The following APBB2 variants were observed in gnomAD, a reference collection of about 807,000 sequenced individuals.
APBB2 encodes Fe65-like 1.
APBB2 carries 38 observed loss-of-function variants against 82.5 expected under a neutral mutation model. That is an observed-to-expected ratio of 0.46 (90% CI 0.36 to 0.60). APBB2 has a LOEUF of 0.60. Among genes scored for constraint, APBB2 ranks in the 20% least tolerant of loss-of-function variants. The pLI is 0.00. For missense variants in APBB2, 772 were observed against 972.3 expected, an observed-to-expected ratio of 0.79 and a Z score of 2.74; for synonymous variants, 341 against 368.2, an observed-to-expected ratio of 0.93 and a Z score of 0.85.
chr4:41,066,768 C>T (rs1471320481), intron 3 of APBB2, among the ~76,000 whole-genome samples: 1 of 152,150 alleles, frequency 6.6e-6, no homozygotes, highest in African/African-American at 2.4e-5. Context: ...AAGCCTGGAG[C>T]CAGATGGCAA....
intron 12 of APBB2, among the ~76,000 whole-genome samples, chr4:40,867,490 G>T (rs1472463699): frequency 1.3e-5 from 2 of 152,110 alleles, no homozygotes; most frequent in Non-Finnish European, 2.9e-5. Flanking sequence ...AATTATAAGA[G>T]GTGAAGCCAA....
intron 1 of APBB2, among the ~76,000 whole-genome samples, chr4:41,193,138 G>A (rs781257853): frequency 3.9e-5 from 6 of 152,154 alleles, no homozygotes; most frequent in Non-Finnish European, 8.8e-5. Context: ...TATTTTATGC[G>A]CTAAAATTGT....
chr4:40,864,853 CTTTTTT>C (rs571511868), intron 12 of APBB2, among the ~76,000 whole-genome samples: 44 of 125,212 alleles, frequency 3.5e-4, no homozygotes, highest in African/African-American at 3.6e-4. Flanking sequence ...ACGTTTGATT[CTTTTTT>C]TTTTTTTTTT....
At chr4:41,061,347 A>T (rs781393408) in intron 4 of APBB2, among the ~76,000 whole-genome samples, 1 of 152,212 alleles carries the variant, frequency 6.6e-6, no homozygotes, top group Non-Finnish European at 1.5e-5. Flanking sequence ...ATCACCATGG[A>T]GTGTTCTTAC....
Position 41,082,563 on chromosome 4 carries a change from G to A in APBB2, c.-148-16890C>T, listed in dbSNP as rs1442998268. 6.2e-5 allele frequency among the ~76,000 whole-genome samples: 7 copies of A among 113,766 alleles called. No individual in the cohort carries two copies. The South Asian group carries it at 1.3e-3, about 21-fold the overall frequency. The allele number at this position is 113,766 out of a possible 152,430, so 74.6% of individuals were successfully genotyped here. ...GTTCAGGAGGCTTCTACAAAGTTAT[G>A]TTTCTTTTTTTTTTTTTTTTTTTTA... On this transcript the variant is annotated intron_variant, in intron 3 of 17. Coordinates refer to ENST00000508593, the MANE Select transcript of APBB2 (RefSeq NM_004307.2).
chr4:41,027,856 C>T (rs1323098717), intron 5 of APBB2, among the ~76,000 whole-genome samples: 1 of 152,234 alleles, frequency 6.6e-6, no homozygotes, highest in Non-Finnish European at 1.5e-5. Flanking sequence ...GTGGATGGGT[C>T]CCCCAGTGAT....
At chr4:41,109,633 G>A (rs539382223) in intron 2 of APBB2, among the ~76,000 whole-genome samples, 1 of 152,224 alleles carries the variant, frequency 6.6e-6, no homozygotes, top group South Asian at 2.1e-4. Flanking sequence ...ACTACACTGG[G>A]CTAATTTTTT....
At position 40,822,302 on chromosome 4, in the gene APBB2, T is replaced by C. The variant is rs565715712; in HGVS notation, c.1933-252A>G. 1.1e-5 allele frequency: 5 copies of C among 448,682 alleles called. No individual in the cohort carries two copies. The East Asian group carries it at 1.9e-4, about 17-fold the overall frequency. 27.8% of individuals were successfully genotyped at this position (448,682 alleles called of 1,614,324 possible). ...GTGTGATGTGGGTCCCATTCTCCAT[T>C]ATGCTACGTGGCTGTGAGTTCACTG... On this transcript the variant is annotated intron_variant, in intron 16 of 17. Coordinates refer to ENST00000508593, the MANE Select transcript of APBB2 (RefSeq NM_004307.2).
At position 40,820,229 on chromosome 4, in the gene APBB2, C is replaced by T. The variant is rs1481484513; in HGVS notation, c.2112+1642G>A. On this transcript the variant is annotated intron_variant, in intron 17 of 17. Coordinates refer to ENST00000508593, the MANE Select transcript of APBB2 (RefSeq NM_004307.2). Reference sequence around the variant, plus strand: ...AGCCTCTGCTCCTGTTTGTTCCCAACGCTGCTCTCCTAGCGTGGACGCTCC... The same window carrying T: ...AGCCTCTGCTCCTGTTTGTTCCCAATGCTGCTCTCCTAGCGTGGACGCTCC... Among the ~76,000 whole-genome samples, 5 of 152,326 alleles carry T rather than the reference C, an allele frequency of 3.3e-5. No individual in the cohort carries two copies. In the South Asian group the frequency reaches 8.3e-4, roughly 25 times the overall value.
chr4:41,003,590 C>T (rs1353112796), intron 6 of APBB2, among the ~76,000 whole-genome samples: 1 of 152,172 alleles, frequency 6.6e-6, no homozygotes, highest in Non-Finnish European at 1.5e-5. Flanking sequence ...CATGTGAAAA[C>T]AGAGGTACAG....
chr4:41,114,727 T>A (rs923568887), intron 2 of APBB2, among the ~76,000 whole-genome samples: 21 of 151,996 alleles, frequency 1.4e-4, no homozygotes, highest in African/African-American at 3.6e-4. Context: ...TCACAACTGC[T>A]ACAAAAAGAA....
chr4:41,000,061 ATGTGTGTATGTGTGTGTG>A (rs1369742087), intron 6 of APBB2, among the ~76,000 whole-genome samples: 4 of 113,220 alleles, frequency 3.5e-5, no homozygotes, highest in African/African-American at 1.5e-4. Flanking sequence ...ATGTATATAT[ATGTGTGTATGTGTGTGTG>A]TGTGTGTGTG....
chr4:40,863,891 CAAAAAAAAAAAAAAA>C (rs60135616), intron 12 of APBB2, among the ~76,000 whole-genome samples: 4 of 33,000 alleles, frequency 1.2e-4, no homozygotes, highest in Non-Finnish European at 2.2e-4. Context: ...GAGACTGTCT[CAAAAAAAAAAAAAAA>C]AAAAAAAAAA....
intron 2 of APBB2, among the ~76,000 whole-genome samples, chr4:41,122,215 C>T (rs1753038350): frequency 4.6e-5 from 7 of 152,164 alleles, no homozygotes. Context: ...TGTGAGCCAC[C>T]ACACCTGCTT....
At chr4:40,997,178 C>T (rs1027749349) in intron 6 of APBB2, among the ~76,000 whole-genome samples, 1 of 152,114 alleles carries the variant, frequency 6.6e-6, no homozygotes, top group African/African-American at 2.4e-5. Context: ...CTATATAAAC[C>T]CCTAAGTTTA....
chr4:40,928,268 C>A (rs528394030), intron 10 of APBB2, among the ~76,000 whole-genome samples: 1 of 152,278 alleles, frequency 6.6e-6, no homozygotes, highest in South Asian at 2.1e-4. Flanking sequence ...GGGGACTGGG[C>A]GCAGTGGCTC....
At chr4:41,022,209 A>G (rs1343279202) in intron 5 of APBB2, among the ~76,000 whole-genome samples, 1 of 152,214 alleles carries the variant, frequency 6.6e-6, no homozygotes, top group Non-Finnish European at 1.5e-5. Context: ...GGGGGCTTTT[A>G]AAACAGTATA....
intron 10 of APBB2, among the ~76,000 whole-genome samples, chr4:40,901,016 CAAG>C (rs1281613939): frequency 1.3e-5 from 2 of 152,156 alleles, no homozygotes; most frequent in Non-Finnish European, 2.9e-5. Context: ...GGACATGGAT[CAAG>C]AAGAGTAAGG....
intron 1 of APBB2, among the ~76,000 whole-genome samples, chr4:41,208,837 C>T (rs1410067716): frequency 6.6e-6 from 1 of 152,122 alleles, no homozygotes; most frequent in Non-Finnish European, 1.5e-5. Context: ...CGTATTTGTC[C>T]ATGTGAATCT....
Sources: allele counts gnomAD v4.1 joint callset (sites outside exome capture counted in the v4.1 genomes callset), GRCh38; gene constraint gnomAD v4.1.1; transcripts MANE v1.5; gene names NCBI Gene and HGNC (gene_info 2026-07-23, HGNC 2026-07-21).